PPM1H: variants seen among roughly 807,000 people sequenced by gnomAD.
The protein encoded by PPM1H is protein phosphatase, Mg2+/Mn2+ dependent 1H, also known as protein phosphatase 1H.
In PPM1H, 27 loss-of-function variants were observed where a neutral mutation model predicts 54.9. The ratio of observed to expected loss-of-function variants is 0.49; its 90% CI spans 0.36 to 0.68. The LOEUF is 0.68. PPM1H is among the 30% of genes least tolerant of loss of function. The pLI is 0.00. For synonymous variants in PPM1H, 305 were observed against 270.8 expected (o/e 1.13, Z -1.24); for missense variants, 596 against 667.8 (o/e 0.89, Z 1.19).
chr12:62,713,045 G>T lies in PPM1H; in HGVS notation c.1073+7126C>A, dbSNP rs988086980. Among the ~76,000 whole-genome samples, 4 of 152,178 alleles carry T rather than the reference G, an allele frequency of 2.6e-5. No individual in the cohort carries two copies. In the East Asian group the frequency reaches 7.7e-4, roughly 29 times the overall value. On this transcript the variant is annotated intron_variant, in intron 6 of 9. Transcript: ENST00000228705. ...AGAGGGCATTGAAGAGAGCAATAAAGAATAAGATAGAAGCTGTATCTATAT... is the reference window on the plus strand; with the variant it reads ...AGAGGGCATTGAAGAGAGCAATAAATAATAAGATAGAAGCTGTATCTATAT...
At chr12:62,756,192 AG>A in intron 4 of PPM1H, 1 of 864,492 alleles carries the variant, frequency 1.2e-6, no homozygotes, top group Non-Finnish European at 1.9e-6. Context: ...CTACAGCAAC[AG>A]GGTGGTGGAC....
chr12:62,934,772 GA>G lies in PPM1H; in HGVS notation c.-37del. The G allele has an allele frequency of 6.8e-7, 1 of 1,465,428 alleles. No individual in the cohort carries two copies. The highest frequency in any genetic ancestry group is 9.0e-7 in the Non-Finnish European group (1 of 1,105,674). 90.8% of individuals were successfully genotyped at this position (1,465,428 alleles called of 1,614,324 possible). ...CGCCCGGCTGCAGCGGTGCGAGCAG[GA>G]GGCGGCGGGGGCCGGGCAAGGCGCA... On this transcript the variant is annotated 5_prime_UTR_variant, in exon 1 of 10. An upstream open reading frame in the 5' UTR loses its in-frame stop. Transcript: ENST00000228705. This position sits in a 1 kb window ranked among gnomAD's most constrained non-coding sequence, Gnocchi z 4.2.
At chr12:62,821,081 C>CA (rs2076900596) in intron 2 of PPM1H, among the ~76,000 whole-genome samples, 1 of 152,102 alleles carries the variant, frequency 6.6e-6, no homozygotes, top group African/African-American at 2.4e-5. Flanking sequence ...CCTTAAATGA[C>CA]CTGATGGAGC....
intron 8 of PPM1H, among the ~76,000 whole-genome samples, chr12:62,686,805 T>G (rs1195509523): frequency 6.6e-6 from 1 of 152,040 alleles, no homozygotes; most frequent in Non-Finnish European, 1.5e-5. Context: ...TTTACTAGAG[T>G]TTTCTCTTTC....
intron 9 of PPM1H, chr12:62,659,099 T>C (rs2075864700): frequency 5.5e-6 from 4 of 731,432 alleles, no homozygotes; most frequent in Non-Finnish European, 1.0e-5. Flanking sequence ...GCAACAAATC[T>C]TACTGTGCTG....
intron 8 of PPM1H, among the ~76,000 whole-genome samples, chr12:62,688,023 A>C (rs1378520124): frequency 6.6e-6 from 1 of 151,780 alleles, no homozygotes; most frequent in Non-Finnish European, 1.5e-5. Flanking sequence ...AAAAAAAAAA[A>C]AAGAAACAAA....
chr12:62,648,473 A>G lies in PPM1H; in HGVS notation c.*16T>C, dbSNP rs2075798760. On this transcript the variant is annotated 3_prime_UTR_variant, in exon 10 of 10. Coordinates refer to ENST00000228705, the MANE Select transcript of PPM1H (RefSeq NM_020700.2). Reference sequence around the variant, plus strand: ...AGCTTTCTTCCCCTCTGTCCTCCCAATCCCCTGGGCCATTTTCATGACAGC... The same window carrying G: ...AGCTTTCTTCCCCTCTGTCCTCCCAGTCCCCTGGGCCATTTTCATGACAGC... 6.2e-7 allele frequency: 1 copy of G among 1,613,436 alleles called. No homozygotes were observed. The highest frequency in any genetic ancestry group is 1.3e-5 in the African/African-American group (1 of 74,892).
chr12:62,790,589 A>G (rs2076696659), intron 3 of PPM1H, among the ~76,000 whole-genome samples: 1 of 152,030 alleles, frequency 6.6e-6, no homozygotes, highest in African/African-American at 2.4e-5. Context: ...AAAACAAAAT[A>G]ACAACAAAAA....
intron 9 of PPM1H, among the ~76,000 whole-genome samples, chr12:62,656,214 G>A (rs2075843262): frequency 6.6e-6 from 1 of 152,182 alleles, no homozygotes; most frequent in Admixed American, 6.5e-5. Flanking sequence ...GCTTGCCCAG[G>A]TTCCAATCCT....
At position 62,683,032 on chromosome 12, in the gene PPM1H, A is replaced by ATTTTTTTTT. The variant is rs201636860; in HGVS notation, c.1245+6666_1245+6667insAAAAAAAAA. 4.2e-3 allele frequency among the ~76,000 whole-genome samples: 530 copies of ATTTTTTTTT among 126,342 alleles called. 4 individuals are homozygous for ATTTTTTTTT. Among genetic ancestry groups the ATTTTTTTTT allele is most frequent in the Non-Finnish European group, 6.7e-3 (403 of 60,168 alleles). 82.9% of individuals were successfully genotyped at this position (126,342 alleles called of 152,430 possible). On this transcript the variant is annotated intron_variant, in intron 8 of 9. Coordinates refer to ENST00000228705, the MANE Select transcript of PPM1H (RefSeq NM_020700.2). ...GATACTACATTTGGGAGAGTTTATT[A>ATTTTTTTTT]TTTATTATTATTATTATTATTATTA...
In PPM1H at chr12:62,747,845, C is replaced by G. The variant is rs574528594; in HGVS notation, c.870-10259G>C. On this transcript the variant is annotated intron_variant, in intron 4 of 9. Coordinates refer to ENST00000228705, the MANE Select transcript of PPM1H (RefSeq NM_020700.2). ...AGCTTTGCCCATGTGGCAGAACCCACCAAGTACTCCCTCTGCTCTAGATAC... is the reference window on the plus strand; with the variant it reads ...AGCTTTGCCCATGTGGCAGAACCCAGCAAGTACTCCCTCTGCTCTAGATAC... Among the ~76,000 whole-genome samples, 6 of 152,324 alleles carry G rather than the reference C, an allele frequency of 3.9e-5. No homozygotes were observed. In the South Asian group the frequency reaches 1.2e-3, roughly 32 times the overall value.
At chr12:62,663,281 C>G (rs542831463) in intron 9 of PPM1H, among the ~76,000 whole-genome samples, 1 of 152,080 alleles carries the variant, frequency 6.6e-6, no homozygotes, top group Admixed American at 6.5e-5. Flanking sequence ...ATGGTTGGTC[C>G]TACCATTGGA....
At position 62,879,773 on chromosome 12, in the gene PPM1H, A is replaced by T. The variant is rs139677393; in HGVS notation, c.246-47494T>A. On this transcript the variant is annotated intron_variant, in intron 1 of 9. Coordinates refer to ENST00000228705, the MANE Select transcript of PPM1H (RefSeq NM_020700.2). ...ACTTAAAGTATAATAATAATAATAA[A>T]AAATTAAAAAAATAAAAAAAGAATG... is the stretch of plus-strand genomic sequence containing the variant. Among the ~76,000 whole-genome samples the T allele has an allele frequency of 5.8e-3, 887 of 152,192 alleles. 6 individuals carry two copies. The highest frequency in any genetic ancestry group is 0.031 in the Middle Eastern group (9 of 294).
At chr12:62,923,156 T>G (rs984134141) in intron 1 of PPM1H, among the ~76,000 whole-genome samples, 4 of 152,156 alleles carry the variant, frequency 2.6e-5, no homozygotes, top group Non-Finnish European at 5.9e-5. Flanking sequence ...TCAAACTTAT[T>G]TTTTTATTTT....
chr12:62,721,093 T>C (rs1479860050), intron 5 of PPM1H: 1 of 152,268 alleles, frequency 6.6e-6, no homozygotes, highest in Admixed American at 6.5e-5. Context: ...ATCTTCTTTC[T>C]TTTCTGGCAG....
At chr12:62,793,943 A>T (rs2076716347) in intron 3 of PPM1H, among the ~76,000 whole-genome samples, 1 of 152,204 alleles carries the variant, frequency 6.6e-6, no homozygotes, top group Non-Finnish European at 1.5e-5. Context: ...GGTAGCAGAA[A>T]GGAGCAAGTG....
At chr12:62,891,377 G>A (rs973835526) in intron 1 of PPM1H, among the ~76,000 whole-genome samples, 2 of 152,138 alleles carry the variant, frequency 1.3e-5, no homozygotes, top group African/African-American at 4.8e-5. Context: ...CAAGTAAACT[G>A]ATACAATGCT....
chr12:62,667,200 A>G lies in PPM1H; in HGVS notation c.1375T>C (p.Cys459Arg), dbSNP rs1026371738. ...AEAITQFLPN[C>R]DPDDPHRYTL... Reference sequence around the variant, plus strand: ...AACCTGTGAGGATCATCTGGATCACAGTTAGGAAGAAACTGAGTGATTGCT... The same window carrying G: ...AACCTGTGAGGATCATCTGGATCACGGTTAGGAAGAAACTGAGTGATTGCT... The change falls in exon 9 of 10, where the codon TGT becomes CGT. Residue 459 changes from cysteine to arginine, a missense_variant. By Grantham distance (180) the Cys-to-Arg change is radical (BLOSUM62 -3). This residue lies in a region of PPM1H where 208 missense variants were observed against 259.5 expected (regional missense o/e 0.80). Transcript: ENST00000228705. The G allele has an allele frequency of 6.2e-6, 10 of 1,600,840 alleles. No individual in the cohort carries two copies. The African/African-American group carries it at 1.1e-4, about 17-fold the overall frequency.
At chr12:62,728,197 A>G (rs190082543) in intron 5 of PPM1H, among the ~76,000 whole-genome samples, 50 of 152,318 alleles carry the variant, frequency 3.3e-4, no homozygotes, top group African/African-American at 1.2e-3. Context: ...GCAAGTAACC[A>G]AGACTCTTAG....
Sources: allele counts gnomAD v4.1 joint callset (sites outside exome capture counted in the v4.1 genomes callset), GRCh38; gene constraint gnomAD v4.1.1; regional missense constraint gnomAD v4.1.1; non-coding constraint Gnocchi (gnomAD v3.1); transcripts MANE v1.5; gene names NCBI Gene and HGNC (gene_info 2026-07-23, HGNC 2026-07-21).